CLNK: variants seen among roughly 807,000 people sequenced by gnomAD.
CLNK encodes the protein cytokine dependent hematopoietic cell linker.
Under a neutral mutation model 68.6 loss-of-function variants are expected in CLNK, and 74 were observed. The observed-to-expected ratio is 1.08, with a 90% CI of 0.89 to 1.31. CLNK has a LOEUF of 1.31. CLNK is among the 50% of genes most tolerant of loss of function. The pLI is 0.00. For synonymous variants in CLNK, 198 were observed against 172.2 expected, an observed-to-expected ratio of 1.15 and a Z score of -1.17; for missense variants, 553 against 515.3, an observed-to-expected ratio of 1.07 and a Z score of -0.71.
At chr4:10,631,562 A>T (rs1722891399) in intron 2 of CLNK, among the ~76,000 whole-genome samples, 1 of 152,112 alleles carries the variant, frequency 6.6e-6, no homozygotes. Flanking sequence ...TAATCTAGAC[A>T]TGTATATGCA....
intron 2 of CLNK, among the ~76,000 whole-genome samples, chr4:10,606,511 T>A (rs1721798534): frequency 6.6e-6 from 1 of 152,176 alleles, no homozygotes; most frequent in African/African-American, 2.4e-5. Context: ...TATAAACCAG[T>A]AACATAGTCA....
intron 2 of CLNK, among the ~76,000 whole-genome samples, chr4:10,643,804 G>A (rs1723408660): frequency 6.6e-6 from 1 of 152,172 alleles, no homozygotes. Context: ...ACATCTTTGG[G>A]CCCAAACCAC....
chr4:10,717,552 C>A, the CLNK span, among the ~76,000 whole-genome samples: 3 of 151,946 alleles, frequency 2.0e-5, 1 homozygote, highest in Admixed American at 6.5e-5. Context: ...GCTGAAATGG[C>A]GCCATTGCAC....
At chr4:10,637,583 CTTTTTTTTTTTTTT>C (rs1158317670) in intron 2 of CLNK, among the ~76,000 whole-genome samples, 4 of 71,416 alleles carry the variant, frequency 5.6e-5, no homozygotes, top group East Asian at 5.0e-4. Flanking sequence ...CACCATTCCT[CTTTTTTTTTTTTTT>C]TTTTTTTTTT....
At chr4:10,513,629 T>C (rs758467270) in intron 15 of CLNK, 32 bp from the exon 16 acceptor site, 6 of 1,568,822 alleles carry the variant, frequency 3.8e-6, no homozygotes, top group Non-Finnish European at 5.2e-6. Context: ...TTCAGTGTGA[T>C]TTTGTGACTG....
chr4:10,588,727 A>C (rs1015118172), intron 3 of CLNK, among the ~76,000 whole-genome samples: 1 of 152,240 alleles, frequency 6.6e-6, no homozygotes, highest in Non-Finnish European at 1.5e-5. Flanking sequence ...TATACTTGTG[A>C]ATGGACAAGT....
intron 8 of CLNK, among the ~76,000 whole-genome samples, chr4:10,551,246 A>AC (rs1395591280): frequency 3.3e-5 from 5 of 151,516 alleles, no homozygotes; most frequent in South Asian, 2.1e-4. Context: ...ATGCAAGACC[A>AC]CCCCCCCACT....
chr4:10,625,442 G>A (rs1722629965), intron 2 of CLNK, among the ~76,000 whole-genome samples: 1 of 152,176 alleles, frequency 6.6e-6, no homozygotes, highest in African/African-American at 2.4e-5. Context: ...CCAACAGACT[G>A]GTCCCCTTAG....
intron 2 of CLNK, among the ~76,000 whole-genome samples, chr4:10,665,780 G>A (rs966463238): frequency 3.3e-5 from 5 of 151,846 alleles, no homozygotes; most frequent in Non-Finnish European, 5.9e-5. Flanking sequence ...GCCATCCCAC[G>A]TTGCCCCTGA....
chr4:10,705,863 A>G, the CLNK span, among the ~76,000 whole-genome samples: 1 of 152,208 alleles, frequency 6.6e-6, no homozygotes, highest in African/African-American at 2.4e-5. Flanking sequence ...CAAATGTTCT[A>G]TCTAAATCGG....
chr4:10,491,497 C>A (rs899627860), intron 18 of CLNK, among the ~76,000 whole-genome samples: 1 of 152,162 alleles, frequency 6.6e-6, no homozygotes, highest in Non-Finnish European at 1.5e-5. Context: ...ATTTAGCTGC[C>A]CTCCTTAAGC....
chr4:10,576,346 G>GAGTT (rs561819896), intron 4 of CLNK, among the ~76,000 whole-genome samples: 2 of 152,334 alleles, frequency 1.3e-5, no homozygotes, highest in South Asian at 4.1e-4. Context: ...CATCCCAGGA[G>GAGTT]AGTTATGGTC....
intron 4 of CLNK, among the ~76,000 whole-genome samples, chr4:10,578,027 T>C (rs1243165190): frequency 6.6e-6 from 1 of 152,186 alleles, no homozygotes; most frequent in Non-Finnish European, 1.5e-5. Context: ...CTTACAAGCC[T>C]CAGTTAACTA....
At chr4:10,561,605 A>C (rs1719889945) in intron 7 of CLNK, among the ~76,000 whole-genome samples, 1 of 152,224 alleles carries the variant, frequency 6.6e-6, no homozygotes, top group South Asian at 2.1e-4. Context: ...TAACCGGACC[A>C]GAACTGTGTC....
At chr4:10,643,660 TG>T (rs1723401707) in intron 2 of CLNK, among the ~76,000 whole-genome samples, 1 of 152,228 alleles carries the variant, frequency 6.6e-6, no homozygotes, top group Admixed American at 6.5e-5. Context: ...CACATGAGAC[TG>T]TCACACTATC....
intron 2 of CLNK, among the ~76,000 whole-genome samples, chr4:10,642,906 G>A (rs752160629): frequency 7.9e-5 from 12 of 152,122 alleles, no homozygotes; most frequent in South Asian, 6.2e-4. Flanking sequence ...GCCATAAGTC[G>A]CCATTTTTTA....
chr4:10,581,721 AATGG>A (rs1720791692), intron 4 of CLNK, among the ~76,000 whole-genome samples: 1 of 151,988 alleles, frequency 6.6e-6, no homozygotes, highest in Non-Finnish European at 1.5e-5. Flanking sequence ...TGGTTGAATG[AATGG>A]ATGGGTGAGT....
chr4:10,733,207 A>C, the CLNK span, among the ~76,000 whole-genome samples: 4 of 152,018 alleles, frequency 2.6e-5, no homozygotes, highest in Admixed American at 6.6e-5. Context: ...CTTTCATGGC[A>C]AGAGCCCTGA....
intron 8 of CLNK, among the ~76,000 whole-genome samples, chr4:10,552,276 G>T (rs1360179227): frequency 6.6e-6 from 1 of 152,138 alleles, no homozygotes; most frequent in Non-Finnish European, 1.5e-5. Context: ...TAGTTTAAAT[G>T]ATAATAGGAC....
Sources: allele counts gnomAD v4.1 joint callset (sites outside exome capture counted in the v4.1 genomes callset), GRCh38; gene constraint gnomAD v4.1.1; transcripts MANE v1.5; gene names NCBI Gene and HGNC (gene_info 2026-07-23, HGNC 2026-07-21).